Variants in MAPK8 observed in about 807,000 individuals in gnomAD.
MAPK8 encodes mitogen-activated protein kinase 8.
In MAPK8, 13 loss-of-function variants were observed where a neutral mutation model predicts 52.9. That is an observed-to-expected ratio of 0.25 (90% CI 0.16 to 0.39). MAPK8 has a LOEUF of 0.39. MAPK8 is among the 10% of genes least tolerant of loss of function. The probability of loss-of-function intolerance (pLI) is 1.00; values close to 1 mark genes in which losing one functional copy is unlikely to be tolerated. For synonymous variants in MAPK8, 191 were observed against 169.8 expected (o/e 1.12, Z -0.97); for missense variants, 300 against 519.2 (o/e 0.58, Z 4.10).
At chr10:48,325,906 A>G (rs750576068) in intron 1 of MAPK8, 14 of 152,156 alleles carry the variant, frequency 9.2e-5, no homozygotes, top group South Asian at 2.1e-4. Flanking sequence ...GACTGGCCTT[A>G]TGGGTTTCTA....
At chr10:48,356,997 C>T (rs1847039854) in intron 1 of MAPK8, among the ~76,000 whole-genome samples, 1 of 146,024 alleles carries the variant, frequency 6.8e-6, no homozygotes, top group Non-Finnish European at 1.5e-5. Context: ...AGGCAAAAAT[C>T]GGATTGTTTT....
intron 1 of MAPK8, among the ~76,000 whole-genome samples, chr10:48,359,223 A>C (rs1181242808): frequency 6.6e-6 from 1 of 152,114 alleles, no homozygotes; most frequent in African/African-American, 2.4e-5. Flanking sequence ...ATTAACTTTT[A>C]TCTCTTAAAA....
At chr10:48,429,544 C>G (rs1012991763) in intron 10 of MAPK8, among the ~76,000 whole-genome samples, 1 of 152,158 alleles carries the variant, frequency 6.6e-6, no homozygotes, top group Non-Finnish European at 1.5e-5. Flanking sequence ...CTAGTTAGTG[C>G]TCCTAATTAG....
intron 1 of MAPK8, among the ~76,000 whole-genome samples, chr10:48,378,745 ATATAAAATGTATACATTTATACT>A (rs1306204643): frequency 6.6e-6 from 1 of 151,802 alleles, no homozygotes; most frequent in African/African-American, 2.4e-5. Context: ...AATTATATAT[ATATAAAATGTATACATTTATACT>A]TAGAAATTTT....
chr10:48,360,712 T>C (rs1847440933), intron 1 of MAPK8, among the ~76,000 whole-genome samples: 1 of 152,166 alleles, frequency 6.6e-6, no homozygotes, highest in Admixed American at 6.5e-5. Flanking sequence ...CAAAAGGATA[T>C]GTATGCCATG....
chr10:48,377,621 T>G (rs2040750991), intron 1 of MAPK8, among the ~76,000 whole-genome samples: 1 of 152,144 alleles, frequency 6.6e-6, no homozygotes, highest in African/African-American at 2.4e-5. Flanking sequence ...GGAGAAGAGA[T>G]ACGTTATTGC....
intron 1 of MAPK8, among the ~76,000 whole-genome samples, chr10:48,370,787 G>A (rs1191005204): frequency 1.3e-5 from 2 of 152,064 alleles, no homozygotes; most frequent in African/African-American, 2.4e-5. Flanking sequence ...TCCCCTTTGA[G>A]TACCTATGGA....
At chr10:48,417,189 A>G (rs1045139896) in intron 5 of MAPK8, among the ~76,000 whole-genome samples, 1 of 152,242 alleles carries the variant, frequency 6.6e-6, no homozygotes, top group Non-Finnish European at 1.5e-5. Flanking sequence ...TAGAAGGATC[A>G]TAGACCTTTG....
chr10:48,327,009 C>T (rs1025327224), intron 1 of MAPK8, among the ~76,000 whole-genome samples: 2 of 152,196 alleles, frequency 1.3e-5, no homozygotes, highest in East Asian at 3.8e-4. Flanking sequence ...ATGTCATCTG[C>T]AAACAGAAAC....
At chr10:48,350,819 G>T (rs975030446) in intron 1 of MAPK8, among the ~76,000 whole-genome samples, 9 of 152,210 alleles carry the variant, frequency 5.9e-5, no homozygotes, top group African/African-American at 2.2e-4. Context: ...AAGATAGGAA[G>T]TCAAATTGTC....
chr10:48,336,268 A>G (rs1252559658), intron 1 of MAPK8, among the ~76,000 whole-genome samples: 1 of 152,232 alleles, frequency 6.6e-6, no homozygotes, highest in East Asian at 1.9e-4. Flanking sequence ...TAAACACTCA[A>G]AAGCTAAGAA....
Position 48,423,334 on chromosome 10 carries a change from C to T in MAPK8, c.617-754C>T, listed in dbSNP as rs185288354. On this transcript the variant is annotated intron_variant, in intron 6 of 11. Coordinates refer to ENST00000374189, the MANE Select transcript of MAPK8 (RefSeq NM_001323329.2). Reference sequence around the variant, plus strand: ...TACTGTATCTAGCCAAAACTAACTTCTTAAGCCAAAAGCAGTTTGGTTTTA... The same window carrying T: ...TACTGTATCTAGCCAAAACTAACTTTTTAAGCCAAAAGCAGTTTGGTTTTA... 1.2e-3 allele frequency among the ~76,000 whole-genome samples: 186 copies of T among 152,286 alleles called. 2 individuals are homozygous for T. Among genetic ancestry groups the T allele is most frequent in the Non-Finnish European group, 6.5e-4 (44 of 68,014 alleles).
At chr10:48,356,970 A>G (rs1847036052) in intron 1 of MAPK8, among the ~76,000 whole-genome samples, 1 of 151,610 alleles carries the variant, frequency 6.6e-6, no homozygotes, top group South Asian at 2.1e-4. Context: ...TCGTGCAAAT[A>G]CTAATATAGG....
chr10:48,392,196 T>TGTGG, intron 1 of MAPK8, among the ~76,000 whole-genome samples: 1 of 152,188 alleles, frequency 6.6e-6, no homozygotes, highest in East Asian at 1.9e-4. Context: ...TTCTCAAGGG[T>TGTGG]GTGGGACAGG....
intron 1 of MAPK8, among the ~76,000 whole-genome samples, chr10:48,374,987 CAATAA>C (rs1255104224): frequency 6.6e-6 from 1 of 152,264 alleles, no homozygotes; most frequent in African/African-American, 2.4e-5. Flanking sequence ...TGAAAATCCT[CAATAA>C]AATACCGGCA....
intron 1 of MAPK8, among the ~76,000 whole-genome samples, chr10:48,381,174 A>G (rs2040979236): frequency 2.6e-5 from 4 of 152,216 alleles, no homozygotes; most frequent in Non-Finnish European, 4.4e-5. Flanking sequence ...AAATCTTACA[A>G]TAAACAGATC....
intron 1 of MAPK8, among the ~76,000 whole-genome samples, chr10:48,347,665 A>G (rs1007157373): frequency 6.6e-5 from 10 of 152,104 alleles, no homozygotes; most frequent in Admixed American, 5.2e-4. Flanking sequence ...TTCTATTCCT[A>G]TGTTAGTTTG....
intron 1 of MAPK8, among the ~76,000 whole-genome samples, chr10:48,347,456 G>A (rs752824567): frequency 1.3e-5 from 2 of 152,186 alleles, no homozygotes; most frequent in Non-Finnish European, 2.9e-5. Flanking sequence ...GTGCAGGTTT[G>A]TTACATAGGT....
Position 48,439,327 on chromosome 10 carries a change from TAAAA to T in MAPK8, c.*4301_*4304del, listed in dbSNP as rs750628929. The T allele has an allele frequency of 1.3e-4, 20 of 150,158 alleles. No individual in the cohort carries two copies. The highest frequency in any genetic ancestry group is 3.2e-3 in the Middle Eastern group (1 of 316). The allele number at this position is 150,158 out of a possible 1,614,324, so 9.3% of individuals were successfully genotyped here. On this transcript the variant is annotated 3_prime_UTR_variant, in exon 12 of 12. Coordinates refer to ENST00000374189, the MANE Select transcript of MAPK8 (RefSeq NM_001323329.2). Reference sequence around the variant, plus strand: ...TGTCAATTGGTTATAATATTTTAAATAAAAAAGAAAAAAGTGGTATGAAAATTAT... The same window carrying T: ...TGTCAATTGGTTATAATATTTTAAATAAGAAAAAAGTGGTATGAAAATTAT...
Sources: allele counts gnomAD v4.1 joint callset (sites outside exome capture counted in the v4.1 genomes callset), GRCh38; gene constraint gnomAD v4.1.1; transcripts MANE v1.5; gene names NCBI Gene and HGNC (gene_info 2026-07-23, HGNC 2026-07-21).